The following FRMD3 variants were observed in gnomAD, a reference collection of about 807,000 sequenced individuals.
FRMD3 encodes FERM domain-containing protein 3.
Under a neutral mutation model 70.2 loss-of-function variants are expected in FRMD3, and 33 were observed. The observed-to-expected ratio is 0.47, with a 90% CI of 0.36 to 0.63. The LOEUF (loss-of-function observed/expected upper bound fraction) is 0.63. Ranked by LOEUF, FRMD3 falls within the 20% of genes least tolerant of loss-of-function variation. The pLI, the probability that FRMD3 is intolerant of heterozygous loss-of-function variation, is 0.00. For missense variants in FRMD3, 632 were observed against 711.4 expected, an observed-to-expected ratio of 0.89 and a Z score of 1.27; for synonymous variants, 279 against 255.9, an observed-to-expected ratio of 1.09 and a Z score of -0.86.
chr9:83,301,473 GTT>G (rs199862325), intron 10 of FRMD3, among the ~76,000 whole-genome samples: 1 of 148,614 alleles, frequency 6.7e-6, no homozygotes, highest in African/African-American at 2.5e-5. Flanking sequence ...TTGTGTATGT[GTT>G]TTTTTTTAAT....
At chr9:83,271,981 C>T (rs1190155328) in intron 13 of FRMD3, among the ~76,000 whole-genome samples, 2 of 152,174 alleles carry the variant, frequency 1.3e-5, no homozygotes, top group Non-Finnish European at 1.5e-5. Flanking sequence ...TCAAAGCAGT[C>T]GGTTAACTTA....
chr9:83,318,106 T>C (rs1835654767), intron 6 of FRMD3, among the ~76,000 whole-genome samples: 1 of 152,216 alleles, frequency 6.6e-6, no homozygotes. Flanking sequence ...AATTATTTTA[T>C]TTAATTTTTA....
intron 1 of FRMD3, among the ~76,000 whole-genome samples, chr9:83,512,096 A>G (rs554127287): frequency 3.0e-4 from 45 of 152,326 alleles, no homozygotes; most frequent in African/African-American, 1.0e-3. Flanking sequence ...CCTGTAAAAT[A>G]GGGACATCAA....
At chr9:83,550,221 G>A in the FRMD3 span, among the ~76,000 whole-genome samples, 1 of 152,014 alleles carries the variant, frequency 6.6e-6, no homozygotes, top group African/African-American at 2.4e-5. Context: ...TTTCCCCATT[G>A]TTTTTGTCAG....
intron 1 of FRMD3, among the ~76,000 whole-genome samples, chr9:83,441,296 G>T (rs1306388818): frequency 6.6e-6 from 1 of 152,134 alleles, no homozygotes; most frequent in African/African-American, 2.4e-5. Flanking sequence ...AAAAGAACGT[G>T]GGAATGCCTG....
chr9:83,536,953 A>AAAAAG (rs1564121093), intron 1 of FRMD3, among the ~76,000 whole-genome samples: 2 of 146,896 alleles, frequency 1.4e-5, no homozygotes, highest in African/African-American at 5.1e-5. Context: ...AAAAAAAAAA[A>AAAAAG]GCTCAGTCCC....
intron 1 of FRMD3, among the ~76,000 whole-genome samples, chr9:83,510,245 A>G (rs556020931): frequency 6.6e-6 from 1 of 152,340 alleles, no homozygotes; most frequent in East Asian, 1.9e-4. Context: ...CCAGCTACCT[A>G]AGGAAAAAAT....
At chr9:83,396,889 G>A (rs1193213314) in intron 1 of FRMD3, among the ~76,000 whole-genome samples, 1 of 152,172 alleles carries the variant, frequency 6.6e-6, no homozygotes, top group African/African-American at 2.4e-5. Context: ...AATGCCTCAG[G>A]CCAAGAAGAG....
At chr9:83,513,727 AGGGT>A (rs1438199192) in intron 1 of FRMD3, among the ~76,000 whole-genome samples, 1 of 152,216 alleles carries the variant, frequency 6.6e-6, no homozygotes, top group African/African-American at 2.4e-5. Flanking sequence ...ACCAACACAG[AGGGT>A]GGGTGATTTC....
rs1481047520 is a variant in FRMD3, at chr9:83,298,811, T to C, written c.1007A>G (p.Lys336Arg). 1 of 1,613,934 alleles carries C rather than the reference T, an allele frequency of 6.2e-7. No homozygotes were observed. Among genetic ancestry groups the C allele is most frequent in the African/African-American group, 1.3e-5 (1 of 74,910 alleles). The part of the protein sequence containing the change: ...FKGSRFRYSG[K>R]VAKEVVEASS... ...GGCCTCCACCACCTCTTTGGCAACT[T>C]TCCCACTGCAAAAGACAGAAACACA... The change falls in exon 12 of 14, where the codon AAA (lysine) becomes AGA (arginine). Residue 336 changes from lysine (K) to arginine (R), a missense_variant. By Grantham distance (26) the Lys-to-Arg change is conservative (BLOSUM62 2). Coordinates refer to ENST00000304195, the MANE Select transcript of FRMD3 (RefSeq NM_174938.6).
chr9:83,529,306 A>T (rs1829746889), intron 1 of FRMD3, among the ~76,000 whole-genome samples: 1 of 152,244 alleles, frequency 6.6e-6, no homozygotes, highest in Non-Finnish European at 1.5e-5. Flanking sequence ...CCCCTACCTC[A>T]CACCATACAC....
At chr9:83,491,339 T>C (rs1413605889) in intron 1 of FRMD3, among the ~76,000 whole-genome samples, 1 of 152,104 alleles carries the variant, frequency 6.6e-6, no homozygotes, top group African/African-American at 2.4e-5. Flanking sequence ...TTTGAGACAA[T>C]ATAAAAACAG....
the FRMD3 span, among the ~76,000 whole-genome samples, chr9:83,555,109 C>T: frequency 9.9e-5 from 15 of 152,142 alleles, no homozygotes; most frequent in Non-Finnish European, 2.2e-4. Context: ...AGATTAGGAC[C>T]CACTTAAAAA....
rs1336996964 is a variant in FRMD3, at chr9:83,297,821, A to C, written c.1070+927T>G. On this transcript the variant is annotated intron_variant, in intron 12 of 13. Coordinates refer to ENST00000304195, the MANE Select transcript of FRMD3 (RefSeq NM_174938.6). ...CAAATTTTCTTCTGTACACATCTAC[A>C]TGGGATATCATGCCAACTGCACTTC... The C allele has an allele frequency of 6.4e-6, 3 of 471,792 alleles. No individual in the cohort carries two copies. The East Asian group carries it at 2.1e-4, about 33-fold the overall frequency. 29.2% of individuals were successfully genotyped at this position (471,792 alleles called of 1,614,324 possible). A position where few individuals can be genotyped will look rare whatever the true frequency, so the allele number is the denominator to read the frequency against.
In FRMD3 at chr9:83,297,706, T is replaced by A. The variant is rs1289510108; in HGVS notation, c.1070+1042A>T. On this transcript the variant is annotated intron_variant, in intron 12 of 13. Transcript: ENST00000304195. ...AGCCAAGATTCTCCAGCTTCTCTCATCCTGTAGTCTTCTGCTTCTTACAGT... is the reference window on the plus strand; with the variant it reads ...AGCCAAGATTCTCCAGCTTCTCTCAACCTGTAGTCTTCTGCTTCTTACAGT... 8.5e-6 allele frequency: 4 copies of A among 470,972 alleles called. No homozygotes were observed. In the Admixed American group the frequency reaches 9.4e-5, roughly 11 times the overall value. The allele number at this position is 470,972 out of a possible 1,614,324, so 29.2% of individuals were successfully genotyped here. A position where few individuals can be genotyped will look rare whatever the true frequency, so the allele number is the denominator to read the frequency against.
chr9:83,427,922 T>C (rs1392168968), intron 1 of FRMD3, among the ~76,000 whole-genome samples: 8 of 152,184 alleles, frequency 5.3e-5, no homozygotes, highest in Non-Finnish European at 1.2e-4. Flanking sequence ...GCAGAGAAAC[T>C]GGACAGCGTC....
intron 1 of FRMD3, among the ~76,000 whole-genome samples, chr9:83,393,627 T>A (rs1488446128): frequency 1.3e-5 from 2 of 151,954 alleles, no homozygotes; most frequent in East Asian, 3.9e-4. Context: ...CAGTGACAGA[T>A]CATCAGGCAT....
At chr9:83,275,566 G>A (rs536958846) in intron 13 of FRMD3, among the ~76,000 whole-genome samples, 20 of 152,320 alleles carry the variant, frequency 1.3e-4, no homozygotes, top group Non-Finnish European at 2.4e-4. Flanking sequence ...AGAGGAGATG[G>A]TGAGGTAAGG....
intron 1 of FRMD3, among the ~76,000 whole-genome samples, chr9:83,437,931 G>C (rs976190208): frequency 6.6e-6 from 1 of 152,192 alleles, no homozygotes; most frequent in African/African-American, 2.4e-5. Flanking sequence ...GCACAAAAGA[G>C]AGTGCAGGAT....
Sources: gnomAD v4.1 joint callset for allele counts (sites outside exome capture counted in the v4.1 genomes callset) on GRCh38, gnomAD v4.1.1 for gene constraint, MANE v1.5 for transcripts, NCBI Gene and HGNC (gene_info 2026-07-23, HGNC 2026-07-21) for gene names.